PPP2R2B: variants seen among roughly 807,000 people sequenced by gnomAD.
PPP2R2B encodes protein phosphatase 2 regulatory subunit Bbeta.
A neutral mutation model predicts 46.0 loss-of-function variants in PPP2R2B; 5 were observed. The ratio of observed to expected loss-of-function variants is 0.11; its 90% confidence interval spans 0.06 to 0.23. The LOEUF (loss-of-function observed/expected upper bound fraction) is 0.23. PPP2R2B is among the 10% of genes least tolerant of loss of function. The pLI is 1.00. For synonymous variants in PPP2R2B, 215 were observed against 206.7 expected, an observed-to-expected ratio of 1.04 and a Z score of -0.34; for missense variants, 367 against 575.0, an observed-to-expected ratio of 0.64 and a Z score of 3.70.
intron 1 of PPP2R2B, among the ~76,000 whole-genome samples, chr5:146,965,919 G>A (rs753888354): frequency 6.6e-6 from 1 of 152,176 alleles, no homozygotes; most frequent in African/African-American, 2.4e-5. Context: ...TCTATAAAGT[G>A]GGAATCGTAC....
At chr5:147,017,666 T>G (rs990759490) in intron 1 of PPP2R2B, among the ~76,000 whole-genome samples, 1 of 151,790 alleles carries the variant, frequency 6.6e-6, no homozygotes, top group Non-Finnish European at 1.5e-5. Context: ...AAAGAGGGAT[T>G]GATCAATGGT....
At chr5:146,681,698 T>C (rs2151137744) in intron 5 of PPP2R2B, among the ~76,000 whole-genome samples, 1 of 152,304 alleles carries the variant, frequency 6.6e-6, no homozygotes, top group African/African-American at 2.4e-5. Context: ...TCAGTGTGAA[T>C]CAGGTTTGGA....
At chr5:146,807,160 C>T (rs1757226839) in intron 2 of PPP2R2B, among the ~76,000 whole-genome samples, 1 of 152,178 alleles carries the variant, frequency 6.6e-6, no homozygotes, top group African/African-American at 2.4e-5. Flanking sequence ...TTTGTTTGTA[C>T]ATGAAAGCTT....
At chr5:146,797,155 A>G (rs1294764820) in intron 2 of PPP2R2B, among the ~76,000 whole-genome samples, 1 of 152,156 alleles carries the variant, frequency 6.6e-6, no homozygotes, top group Non-Finnish European at 1.5e-5. Flanking sequence ...GCTCTTACAT[A>G]CCCCTTTTCA....
At chr5:146,813,234 T>TA (rs200769283) in intron 2 of PPP2R2B, among the ~76,000 whole-genome samples, 8 of 151,474 alleles carry the variant, frequency 5.3e-5, no homozygotes, top group East Asian at 3.9e-4. Context: ...TAATAATCAT[T>TA]AAAAAAAACC....
At chr5:146,701,695 C>A (rs1183361843) in intron 2 of PPP2R2B, among the ~76,000 whole-genome samples, 2 of 152,184 alleles carry the variant, frequency 1.3e-5, no homozygotes, top group African/African-American at 4.8e-5. Context: ...TGGCCCGTGC[C>A]CCTTCTTTTT....
At chr5:146,923,141 GTTTTGAGCCAGA>G (rs1177021977) in intron 1 of PPP2R2B, among the ~76,000 whole-genome samples, 2 of 152,140 alleles carry the variant, frequency 1.3e-5, no homozygotes, top group Non-Finnish European at 2.9e-5. Flanking sequence ...TGTTTAGCCG[GTTTTGAGCCAGA>G]TTTTCTCTGA....
At chr5:147,077,275 T>TATACACACAC (rs1286822851) in intron 2 of PPP2R2B, among the ~76,000 whole-genome samples, 1 of 140,484 alleles carries the variant, frequency 7.1e-6, no homozygotes, top group Non-Finnish European at 1.5e-5. Flanking sequence ...TATGTGTGTA[T>TATACACACAC]ACACACACAC....
intron 2 of PPP2R2B, among the ~76,000 whole-genome samples, chr5:146,800,917 TAC>T (rs148564633): frequency 0.053 from 7,708 of 144,428 alleles, 226 homozygotes; most frequent in African/African-American, 0.1. Context: ...TATGTGTACA[TAC>T]ACACACACAC....
chr5:146,939,711 A>G (rs1006795185), intron 1 of PPP2R2B, among the ~76,000 whole-genome samples: 1 of 152,104 alleles, frequency 6.6e-6, no homozygotes, highest in East Asian at 1.9e-4. Context: ...AATTGTAACA[A>G]TGCATTTGGT....
chr5:146,628,214 G>T (rs1476283563), intron 7 of PPP2R2B, among the ~76,000 whole-genome samples: 2 of 152,252 alleles, frequency 1.3e-5, no homozygotes, highest in East Asian at 3.9e-4. Context: ...TAAAGTTCTG[G>T]GATTATAGGT....
intron 2 of PPP2R2B, among the ~76,000 whole-genome samples, chr5:146,791,844 CCT>C (rs758219569): frequency 6.6e-5 from 10 of 152,148 alleles, no homozygotes; most frequent in Non-Finnish European, 1.5e-4. Context: ...CCAATAATCC[CCT>C]GACTTTCCCT....
chr5:146,707,883 GA>G (rs1028139448), intron 2 of PPP2R2B, among the ~76,000 whole-genome samples: 4 of 152,096 alleles, frequency 2.6e-5, no homozygotes, highest in Non-Finnish European at 5.9e-5. Context: ...TTTTGGTGTA[GA>G]ACGTACATAA....
chr5:146,941,841 G>A (rs1764333241), intron 1 of PPP2R2B, among the ~76,000 whole-genome samples: 1 of 152,122 alleles, frequency 6.6e-6, no homozygotes, highest in African/African-American at 2.4e-5. Flanking sequence ...TAAATGACAG[G>A]CATTTATTCT....
intron 1 of PPP2R2B, among the ~76,000 whole-genome samples, chr5:147,046,790 A>G (rs923359233): frequency 6.6e-6 from 1 of 152,018 alleles, no homozygotes; most frequent in African/African-American, 2.4e-5. Context: ...TAGGATAATC[A>G]TCCTCCTGTG....
chr5:146,881,399 TTTTC>T (rs985524599), upstream of PPP2R2B, among the ~76,000 whole-genome samples: 5 of 151,806 alleles, frequency 3.3e-5, no homozygotes, highest in Admixed American at 2.6e-4. Flanking sequence ...TTTATTTTTA[TTTTC>T]TTTTTTTATT....
At chr5:147,029,115 A>T (rs1295653440) in intron 1 of PPP2R2B, among the ~76,000 whole-genome samples, 6 of 151,578 alleles carry the variant, frequency 4.0e-5, no homozygotes, top group African/African-American at 1.5e-4. Context: ...TAGTCTTTTA[A>T]CTCCTTTTTT....
intron 6 of PPP2R2B, among the ~76,000 whole-genome samples, chr5:146,646,589 A>C (rs1775594390): frequency 1.3e-5 from 2 of 152,152 alleles, no homozygotes; most frequent in Admixed American, 6.5e-5. Flanking sequence ...CTGGTGCTAA[A>C]CACAAGGCCC....
chr5:146,596,941 C>G (rs1771231738), intron 8 of PPP2R2B, among the ~76,000 whole-genome samples: 2 of 152,224 alleles, frequency 1.3e-5, no homozygotes, highest in South Asian at 4.1e-4. Flanking sequence ...TTTCCTTCTT[C>G]TTCCTCTGAC....
Sources: allele counts gnomAD v4.1 joint callset (sites outside exome capture counted in the v4.1 genomes callset), GRCh38; gene constraint gnomAD v4.1.1; transcripts MANE v1.5; gene names NCBI Gene and HGNC (gene_info 2026-07-23, HGNC 2026-07-21).